Variants in STXBP5L observed in about 807,000 individuals in gnomAD.
STXBP5L encodes the protein syntaxin binding protein 5L.
A neutral mutation model predicts 144.5 loss-of-function variants in STXBP5L; 65 were observed. The observed-to-expected ratio is 0.45, with a 90% CI of 0.37 to 0.55. The LOEUF is 0.55. STXBP5L is among the 20% of genes least tolerant of loss of function. The pLI is 0.00. For missense variants in STXBP5L, 1,298 were observed against 1,405.5 expected (o/e 0.92, Z 1.22); for synonymous variants, 505 against 469.6 (o/e 1.08, Z -0.97).
At chr3:120,952,212 C>G (rs534362342) in intron 2 of STXBP5L, among the ~76,000 whole-genome samples, 2 of 151,840 alleles carry the variant, frequency 1.3e-5, no homozygotes, top group Non-Finnish European at 2.9e-5. Flanking sequence ...GCTAGTTTGT[C>G]AATTTTTGCA....
intron 20 of STXBP5L, among the ~76,000 whole-genome samples, chr3:121,325,934 G>A (rs1243653417): frequency 2.0e-5 from 3 of 151,488 alleles, no homozygotes; most frequent in Non-Finnish European, 4.4e-5. Flanking sequence ...CAAGTCTTCA[G>A]GTCTTCAGAC....
intron 20 of STXBP5L, among the ~76,000 whole-genome samples, chr3:121,343,511 C>T (rs2044817985): frequency 6.6e-6 from 1 of 152,032 alleles, no homozygotes; most frequent in Admixed American, 6.6e-5. Flanking sequence ...ATTGTCTCAG[C>T]CCAAAATCTC....
At chr3:121,245,739 T>C (rs1485953908) in intron 14 of STXBP5L, among the ~76,000 whole-genome samples, 3 of 151,896 alleles carry the variant, frequency 2.0e-5, no homozygotes, top group African/African-American at 7.3e-5. Flanking sequence ...CAGAAAGATA[T>C]AAAAAGTACA....
At chr3:121,066,098 G>A (rs2041529799) in intron 5 of STXBP5L, among the ~76,000 whole-genome samples, 1 of 152,130 alleles carries the variant, frequency 6.6e-6, no homozygotes, top group South Asian at 2.1e-4. Flanking sequence ...TAGCTAAAAG[G>A]AAATCACAGG....
At chr3:121,366,616 C>G (rs921701560) in intron 20 of STXBP5L, among the ~76,000 whole-genome samples, 4 of 152,006 alleles carry the variant, frequency 2.6e-5, no homozygotes, top group African/African-American at 9.7e-5. Context: ...CTTTCACTTT[C>G]AATTTATTTG....
At chr3:120,991,879 T>C (rs934873894) in intron 3 of STXBP5L, among the ~76,000 whole-genome samples, 2 of 152,120 alleles carry the variant, frequency 1.3e-5, no homozygotes, top group Non-Finnish European at 2.9e-5. Flanking sequence ...AGTTAATGGG[T>C]GCAGCATACC....
intron 5 of STXBP5L, among the ~76,000 whole-genome samples, chr3:121,089,972 T>G (rs1418763628): frequency 6.6e-6 from 1 of 152,134 alleles, no homozygotes; most frequent in Non-Finnish European, 1.5e-5. Context: ...TTTATTTGTT[T>G]CATATGTGTC....
intron 20 of STXBP5L, among the ~76,000 whole-genome samples, chr3:121,368,182 C>G (rs1277225938): frequency 6.6e-6 from 1 of 151,432 alleles, no homozygotes; most frequent in Non-Finnish European, 1.5e-5. Flanking sequence ...TTTTTTCTTT[C>G]TGTTTTTCAG....
At chr3:120,957,606 T>C (rs1255356835) in intron 3 of STXBP5L, among the ~76,000 whole-genome samples, 11 of 151,890 alleles carry the variant, frequency 7.2e-5, no homozygotes, top group Non-Finnish European at 1.6e-4. Flanking sequence ...CTTAAGAGTT[T>C]GAGTAGAAGT....
At chr3:121,036,585 C>T (rs1946768846) in intron 3 of STXBP5L, among the ~76,000 whole-genome samples, 1 of 151,920 alleles carries the variant, frequency 6.6e-6, no homozygotes. Flanking sequence ...AGTATTGTTC[C>T]TCTTGCTGTT....
intron 3 of STXBP5L, among the ~76,000 whole-genome samples, chr3:120,963,067 C>T (rs891342669): frequency 6.6e-6 from 1 of 152,146 alleles, no homozygotes; most frequent in Non-Finnish European, 1.5e-5. Context: ...CATGATTTGG[C>T]TCTCTGTTTG....
intron 5 of STXBP5L, among the ~76,000 whole-genome samples, chr3:121,098,616 T>A (rs2043252588): frequency 6.6e-6 from 1 of 152,172 alleles, no homozygotes; most frequent in Non-Finnish European, 1.5e-5. Flanking sequence ...CAAACCGTAT[T>A]ATGAGGCCAG....
chr3:120,978,046 G>T (rs371328542), intron 3 of STXBP5L, among the ~76,000 whole-genome samples: 1 of 152,118 alleles, frequency 6.6e-6, no homozygotes, highest in Non-Finnish European at 1.5e-5. Flanking sequence ...TCTCAAGGAG[G>T]ATCTTTGTGG....
chr3:120,942,524 T>A (rs182935151), intron 2 of STXBP5L, among the ~76,000 whole-genome samples: 1 of 151,648 alleles, frequency 6.6e-6, no homozygotes, highest in South Asian at 2.1e-4. Context: ...TTTTGAGGCT[T>A]TTAACAAATT....
chr3:120,961,429 C>T (rs952975477), intron 3 of STXBP5L, among the ~76,000 whole-genome samples: 12 of 152,068 alleles, frequency 7.9e-5, no homozygotes, highest in East Asian at 5.8e-4. Context: ...CCCCAGCCCT[C>T]GTCCCCCAAC....
intron 20 of STXBP5L, among the ~76,000 whole-genome samples, chr3:121,334,022 G>A (rs2044416568): frequency 6.6e-6 from 1 of 152,020 alleles, no homozygotes; most frequent in Non-Finnish European, 1.5e-5. Flanking sequence ...CTGCTCTCGT[G>A]GGGAGCAGTC....
chr3:121,058,685 G>A (rs554648149), intron 5 of STXBP5L, among the ~76,000 whole-genome samples: 35 of 152,274 alleles, frequency 2.3e-4, no homozygotes, highest in Admixed American at 1.2e-3. Context: ...GCGTGAGATG[G>A]TATCTCATTG....
At chr3:121,039,562 A>G (rs1349200137) in intron 3 of STXBP5L, among the ~76,000 whole-genome samples, 1 of 151,882 alleles carries the variant, frequency 6.6e-6, no homozygotes, top group Non-Finnish European at 1.5e-5. Context: ...ATATCCAGAT[A>G]CTATTTGATA....
intron 5 of STXBP5L, among the ~76,000 whole-genome samples, chr3:121,055,742 C>G (rs1048507029): frequency 1.3e-5 from 2 of 151,986 alleles, no homozygotes; most frequent in African/African-American, 4.8e-5. Flanking sequence ...ACTCTGTCAC[C>G]TAAGCTGGAG....
Sources: gnomAD v4.1 joint callset for allele counts (sites outside exome capture counted in the v4.1 genomes callset) on GRCh38, gnomAD v4.1.1 for gene constraint, MANE v1.5 for transcripts, NCBI Gene and HGNC (gene_info 2026-07-23, HGNC 2026-07-21) for gene names.